Variants in FAM227B observed in about 807,000 individuals in gnomAD.
FAM227B encodes the protein protein FAM227B.
A neutral mutation model predicts 73.8 loss-of-function variants in FAM227B; 88 were observed. The ratio of observed to expected loss-of-function variants is 1.19; its 90% confidence interval spans 1.00 to 1.42. The LOEUF is 1.42. Among genes scored for constraint, FAM227B ranks in the 40% most tolerant of loss-of-function variants. The pLI is 0.00. For synonymous variants in FAM227B, 210 were observed against 190.5 expected (o/e 1.10, Z -0.84); for missense variants, 632 against 590.9 (o/e 1.07, Z -0.72).
intron 15 of FAM227B, 163 bp from the exon 16 acceptor site, chr15:49,328,838 T>C (rs926078804): frequency 2.2e-6 from 3 of 1,394,802 alleles, no homozygotes; most frequent in African/African-American, 2.9e-5. Flanking sequence ...TGAATATTTG[T>C]AAACCATGTA....
At position 49,512,495 on chromosome 15, in the gene FAM227B, T is replaced by G. The variant is rs564357731; in HGVS notation, c.875-4147A>C. Among the ~76,000 whole-genome samples, 29 of 152,292 alleles carry G rather than the reference T, an allele frequency of 1.9e-4. No individual in the cohort carries two copies. The East Asian group carries it at 5.4e-3, about 28-fold the overall frequency. On this transcript the variant is annotated intron_variant, in intron 10 of 15. Transcript: ENST00000299338. ...ATTACCCACAATCTTCCAGAATTAT[T>G]ATGGCTATGCCAATAATTGAGATGA...
At chr15:49,521,777 G>A (rs2059805267) in intron 10 of FAM227B, among the ~76,000 whole-genome samples, 1 of 152,110 alleles carries the variant, frequency 6.6e-6, no homozygotes, top group South Asian at 2.1e-4. Flanking sequence ...TTTAACTGAA[G>A]CTTGCAAGCC....
In FAM227B at chr15:49,541,821, T is replaced by C. The variant is rs765136412; in HGVS notation, c.748-15A>G. ...TCAGGATATATCTACCAAAATAAAA[T>C]CAAATTAGATTAATTTTATATTTTT... On this transcript the variant is annotated splice_polypyrimidine_tract_variant and intron_variant, in intron 9 of 15. Coordinates refer to ENST00000299338, the MANE Select transcript of FAM227B (RefSeq NM_152647.3). The C allele has an allele frequency of 2.1e-5, 29 of 1,360,030 alleles. No individual in the cohort carries two copies. Among genetic ancestry groups the C allele is most frequent in the Non-Finnish European group, 2.7e-5 (28 of 1,044,518 alleles). 84.2% of individuals were successfully genotyped at this position (1,360,030 alleles called of 1,614,324 possible).
intron 11 of FAM227B, among the ~76,000 whole-genome samples, chr15:49,388,386 A>G (rs947022001): frequency 6.6e-6 from 1 of 151,880 alleles, no homozygotes; most frequent in African/African-American, 2.4e-5. Context: ...TAGGGAATTG[A>G]TATCATTTAT....
chr15:49,469,768 A>G (rs1172400432), intron 11 of FAM227B, among the ~76,000 whole-genome samples: 3 of 152,164 alleles, frequency 2.0e-5, no homozygotes, highest in African/African-American at 7.2e-5. Context: ...TGCCTTTAAA[A>G]GTGATTGATA....
intron 2 of FAM227B, among the ~76,000 whole-genome samples, chr15:49,612,213 G>C (rs1330130769): frequency 2.6e-5 from 4 of 151,870 alleles, no homozygotes; most frequent in Non-Finnish European, 4.4e-5. Context: ...TTTAACATTA[G>C]GTATATCTCC....
intron 10 of FAM227B, among the ~76,000 whole-genome samples, chr15:49,525,079 G>A (rs1317186161): frequency 6.6e-6 from 1 of 152,142 alleles, no homozygotes; most frequent in African/African-American, 2.4e-5. Flanking sequence ...TGTTGGGAAG[G>A]CATTATTGGT....
At chr15:49,475,614 A>AT (rs113947299) in intron 11 of FAM227B, among the ~76,000 whole-genome samples, 49,731 of 152,026 alleles carry the variant, frequency 0.33, 8,894 homozygotes, top group African/African-American at 0.46. Flanking sequence ...AAATTTATTA[A>AT]TTTTTTCATA....
intron 11 of FAM227B, among the ~76,000 whole-genome samples, chr15:49,489,873 TATATATATATAG>T (rs2056889877): frequency 6.3e-5 from 1 of 15,862 alleles, no homozygotes; most frequent in Non-Finnish European, 1.5e-4. Flanking sequence ...TATATATATA[TATATATATATAG>T]AGAGAGAGAG....
chr15:49,453,231 A>G (rs2151894642), intron 11 of FAM227B, among the ~76,000 whole-genome samples: 1 of 152,104 alleles, frequency 6.6e-6, no homozygotes, highest in South Asian at 2.1e-4. Flanking sequence ...ACGTCATTTC[A>G]ACACATAATC....
intron 10 of FAM227B, among the ~76,000 whole-genome samples, chr15:49,516,939 T>TTA (rs2059417578): frequency 6.6e-6 from 1 of 152,138 alleles, no homozygotes; most frequent in Non-Finnish European, 1.5e-5. Flanking sequence ...GATCAGACAC[T>TTA]TATGACTCTG....
intron 11 of FAM227B, among the ~76,000 whole-genome samples, chr15:49,465,462 G>A (rs1567329972): frequency 6.6e-6 from 1 of 151,936 alleles, no homozygotes; most frequent in Non-Finnish European, 1.5e-5. Flanking sequence ...AATGTGTTAG[G>A]AGCAAGATAG....
Position 49,543,806 on chromosome 15 carries a change from TGTAA to T in FAM227B, c.748-2004_748-2001del, listed in dbSNP as rs755714445. Among the ~76,000 whole-genome samples, 7 of 152,208 alleles carry T rather than the reference TGTAA, an allele frequency of 4.6e-5. No homozygotes were observed. In the East Asian group the frequency reaches 5.8e-4, roughly 13 times the overall value. ...TTTGCTTTGTCAAAGATCAGTTGGCTGTAAGTATTTGGCTTTATTTCAGTGTTTT... is the reference window on the plus strand; with the variant it reads ...TTTGCTTTGTCAAAGATCAGTTGGCTGTATTTGGCTTTATTTCAGTGTTTT... On this transcript the variant is annotated intron_variant, in intron 9 of 15. Coordinates refer to ENST00000299338, the MANE Select transcript of FAM227B (RefSeq NM_152647.3).
chr15:49,498,089 A>T (rs1449891284), intron 11 of FAM227B, among the ~76,000 whole-genome samples: 1 of 152,246 alleles, frequency 6.6e-6, no homozygotes, highest in Non-Finnish European at 1.5e-5. Flanking sequence ...TGAAGTATTA[A>T]GGCTATGGTA....
intron 13 of FAM227B, among the ~76,000 whole-genome samples, chr15:49,353,237 T>A (rs1253174908): frequency 6.6e-6 from 1 of 152,128 alleles, no homozygotes; most frequent in Non-Finnish European, 1.5e-5. Flanking sequence ...AGGCTCAAAT[T>A]TGGGCTCAAA....
chr15:49,503,356 T>C (rs1216609894), intron 11 of FAM227B, among the ~76,000 whole-genome samples: 4 of 152,164 alleles, frequency 2.6e-5, no homozygotes, highest in Non-Finnish European at 5.9e-5. Context: ...ATTCAGGACA[T>C]AGGCATGGGC....
chr15:49,493,382 T>C (rs951124569), intron 11 of FAM227B, among the ~76,000 whole-genome samples: 2 of 151,986 alleles, frequency 1.3e-5, no homozygotes, highest in Non-Finnish European at 1.5e-5. Context: ...ACAAACTTCA[T>C]AGTATCCTTA....
intron 11 of FAM227B, among the ~76,000 whole-genome samples, chr15:49,475,978 A>G (rs1301553092): frequency 9.2e-5 from 14 of 152,270 alleles, no homozygotes; most frequent in Middle Eastern, 3.4e-3. Context: ...ATTTTGTTAC[A>G]CTTCCTATTC....
chr15:49,342,334 A>G (rs1057085765), intron 13 of FAM227B, among the ~76,000 whole-genome samples: 3 of 152,154 alleles, frequency 2.0e-5, no homozygotes, highest in African/African-American at 7.2e-5. Context: ...TTTATCTGGT[A>G]TAAGAATAGT....
Sources: gnomAD v4.1 joint callset for allele counts (sites outside exome capture counted in the v4.1 genomes callset) on GRCh38, gnomAD v4.1.1 for gene constraint, MANE v1.5 for transcripts, NCBI Gene and HGNC (gene_info 2026-07-23, HGNC 2026-07-21) for gene names.